Variants in SEPTIN7 observed in about 807,000 individuals in gnomAD.
SEPTIN7 encodes the protein septin-7.
A neutral mutation model predicts 63.3 loss-of-function variants in SEPTIN7; 10 were observed. The ratio of observed to expected loss-of-function variants is 0.16; its 90% CI spans 0.10 to 0.27. The LOEUF is 0.27. Among genes scored for constraint, SEPTIN7 ranks in the 10% least tolerant of loss-of-function variants. SEPTIN7 has a pLI of 1.00. For synonymous variants in SEPTIN7, 131 were observed against 165.3 expected, an observed-to-expected ratio of 0.79 and a Z score of 1.59; for missense variants, 310 against 521.0, an observed-to-expected ratio of 0.59 and a Z score of 3.94.
Position 35,890,253 on chromosome 7 carries a change from A to C in SEPTIN7, c.873-415A>C, listed in dbSNP as rs577669964. Among the ~76,000 whole-genome samples the C allele has an allele frequency of 6.8e-4, 103 of 152,332 alleles. 1 individual carries two copies. The highest frequency in any genetic ancestry group is 1.9e-4 in the East Asian group (1 of 5,194). The stretch of plus-strand genomic sequence containing the variant: ...TGTGATCTGAAATTTATTATTATGT[A>C]TTAATAAAAACTCATATATTACCTT... On this transcript the variant is annotated intron_variant, in intron 10 of 13. Coordinates refer to ENST00000350320, the MANE Select transcript of SEPTIN7 (RefSeq NM_001788.6).
At chr7:35,870,042 A>G (rs2116200019) in intron 4 of SEPTIN7, among the ~76,000 whole-genome samples, 2 of 152,332 alleles carry the variant, frequency 1.3e-5, no homozygotes, top group South Asian at 4.1e-4. Context: ...CATGGATCCC[A>G]TGAGGATACT....
intron 1 of SEPTIN7, among the ~76,000 whole-genome samples, chr7:35,824,010 T>G (rs1783373880): frequency 7.0e-6 from 1 of 143,522 alleles, no homozygotes; most frequent in African/African-American, 2.5e-5. Flanking sequence ...ACCATCTGCC[T>G]TTTTTTTTTT....
chr7:35,911,414 AC>A (rs1220631929), downstream of SEPTIN7, among the ~76,000 whole-genome samples: 1 of 145,724 alleles, frequency 6.9e-6, no homozygotes, highest in African/African-American at 2.6e-5. Context: ...GCCCTCAAAA[AC>A]CTATTTGTAA....
At chr7:35,863,864 G>C (rs1583583936) in intron 4 of SEPTIN7, among the ~76,000 whole-genome samples, 1 of 149,716 alleles carries the variant, frequency 6.7e-6, no homozygotes, top group African/African-American at 2.5e-5. Context: ...TCCCAAATTT[G>C]TCTAGAGGAC....
chr7:35,894,987 G>C (rs1306438935), intron 11 of SEPTIN7, among the ~76,000 whole-genome samples: 1 of 152,048 alleles, frequency 6.6e-6, no homozygotes, highest in East Asian at 1.9e-4. Flanking sequence ...TAAATCATTG[G>C]GGGTTTAGTT....
chr7:35,828,911 C>T lies in SEPTIN7; in HGVS notation c.62-2581C>T, dbSNP rs540892075. 7.9e-5 allele frequency among the ~76,000 whole-genome samples: 12 copies of T among 152,260 alleles called. No individual in the cohort carries two copies. In the South Asian group the frequency reaches 1.0e-3, roughly 13 times the overall value. ...AAAGTTTGGAATTACAAGCATGAAC[C>T]GCTCTGGATGGCTGAGAGCTATCTT... On this transcript the variant is annotated intron_variant, in intron 1 of 13. Transcript: ENST00000350320.
At chr7:35,829,112 A>G (rs1783675656) in intron 1 of SEPTIN7, among the ~76,000 whole-genome samples, 1 of 127,700 alleles carries the variant, frequency 7.8e-6, no homozygotes, top group South Asian at 2.5e-4. Flanking sequence ...TCACTTCATT[A>G]TAGTTCATGG....
chr7:35,873,096 T>G (rs1786258369), intron 5 of SEPTIN7, among the ~76,000 whole-genome samples: 1 of 152,134 alleles, frequency 6.6e-6, no homozygotes, highest in Non-Finnish European at 1.5e-5. Flanking sequence ...TTTGTATAAA[T>G]TCTATCTCAA....
intron 1 of SEPTIN7, among the ~76,000 whole-genome samples, chr7:35,817,775 G>A (rs1475768636): frequency 1.3e-5 from 2 of 151,468 alleles, no homozygotes; most frequent in Non-Finnish European, 3.0e-5. Context: ...TTATTTCTAG[G>A]TATTTTATTC....
chr7:35,822,235 GTATTT>G (rs1465470645), intron 1 of SEPTIN7, among the ~76,000 whole-genome samples: 2 of 151,220 alleles, frequency 1.3e-5, no homozygotes, highest in East Asian at 2.0e-4. Flanking sequence ...CTAATTTTTT[GTATTT>G]TAGTAGAGAC....
rs1022071051 is a variant in SEPTIN7 at position 35,905,630 on chromosome 7, C to T, written c.*1337C>T. On this transcript the variant is annotated 3_prime_UTR_variant, in exon 14 of 14. Coordinates refer to ENST00000350320, the MANE Select transcript of SEPTIN7 (RefSeq NM_001788.6). ...AACCCTCTGGGCTCAAGCAGTCCTC[C>T]TGCCTCAGCCCCCTGAGTATCTGGG... 2.6e-5 allele frequency: 4 copies of T among 152,228 alleles called. No homozygotes were observed. Among genetic ancestry groups the T allele is most frequent in the African/African-American group, 4.8e-5 (2 of 41,446 alleles). 9.4% of individuals were successfully genotyped at this position (152,228 alleles called of 1,614,324 possible).
At chr7:35,852,509 A>G (rs2116066501) in intron 3 of SEPTIN7, among the ~76,000 whole-genome samples, 1 of 152,326 alleles carries the variant, frequency 6.6e-6, no homozygotes, top group African/African-American at 2.4e-5. Context: ...GGTACTTCTT[A>G]GGAAAAATTT....
At chr7:35,909,182 G>C (rs1022002748), downstream of SEPTIN7, among the ~76,000 whole-genome samples, 5 of 152,120 alleles carry the variant, frequency 3.3e-5, no homozygotes, top group Non-Finnish European at 7.4e-5. Context: ...GGCTTACCCT[G>C]ATAAAGTTAA....
intron 1 of SEPTIN7, among the ~76,000 whole-genome samples, chr7:35,811,345 A>G (rs553072594): frequency 4.6e-5 from 7 of 152,362 alleles, no homozygotes; most frequent in South Asian, 2.1e-4. Flanking sequence ...AGTATTTCTA[A>G]TAATAAAAAT....
intron 1 of SEPTIN7, among the ~76,000 whole-genome samples, chr7:35,815,971 T>A (rs1226208344): frequency 7.9e-5 from 12 of 152,206 alleles, no homozygotes. Flanking sequence ...TTCTGATTGA[T>A]TTTTTGTGAG....
rs561039072 is a variant in SEPTIN7 at position 35,906,711 on chromosome 7, T to C, written c.*2418T>C. 1 of 152,360 alleles carries C rather than the reference T, an allele frequency of 6.6e-6. No individual in the cohort carries two copies. Among genetic ancestry groups the C allele is most frequent in the South Asian group, 2.1e-4 (1 of 4,830 alleles). 9.4% of individuals were successfully genotyped at this position (152,360 alleles called of 1,614,324 possible). A position where few individuals can be genotyped will look rare whatever the true frequency, so the allele number is the denominator to read the frequency against. On this transcript the variant is annotated 3_prime_UTR_variant, in exon 14 of 14. Transcript: ENST00000350320. ...TGGGCACAGTTTATTTCTGTGTAGCTCAGGCTGTAATCTTGAAAGCTGAGG... is the reference window on the plus strand; with the variant it reads ...TGGGCACAGTTTATTTCTGTGTAGCCCAGGCTGTAATCTTGAAAGCTGAGG...
chr7:35,853,691 A>G (rs1181043641), intron 3 of SEPTIN7, among the ~76,000 whole-genome samples: 1 of 152,186 alleles, frequency 6.6e-6, no homozygotes, highest in African/African-American at 2.4e-5. Flanking sequence ...GCCTAGCTCA[A>G]TGTCTTTCTT....
chr7:35,820,904 G>A (rs1378957659), intron 1 of SEPTIN7, among the ~76,000 whole-genome samples: 2 of 152,102 alleles, frequency 1.3e-5, no homozygotes, highest in Non-Finnish European at 2.9e-5. Context: ...GTTCCTTTTC[G>A]AACTAATTCT....
intron 9 of SEPTIN7, among the ~76,000 whole-genome samples, chr7:35,885,316 C>G (rs181491767): frequency 7.9e-5 from 12 of 152,238 alleles, no homozygotes; most frequent in African/African-American, 2.6e-4. Context: ...CTTAAAAATA[C>G]GCACCGGAGA....
Sources: allele counts gnomAD v4.1 joint callset (sites outside exome capture counted in the v4.1 genomes callset), GRCh38; gene constraint gnomAD v4.1.1; transcripts MANE v1.5; gene names NCBI Gene and HGNC (gene_info 2026-07-23, HGNC 2026-07-21).